ANK2: variants seen among roughly 807,000 people sequenced by gnomAD.
ANK2 encodes ankyrin 2.
ANK2 carries 83 observed loss-of-function variants against 360.5 expected under a neutral mutation model. The observed-to-expected ratio is 0.23, with a 90% confidence interval of 0.19 to 0.28. ANK2 has a LOEUF of 0.28. Among genes scored for constraint, ANK2 ranks in the 10% least tolerant of loss-of-function variants. The pLI, the probability that ANK2 is intolerant of heterozygous loss-of-function variation, is 1.00. For missense variants in ANK2, 4,201 were observed against 4,795.7 expected (o/e 0.88, Z 3.66); for synonymous variants, 1,740 against 1,759.5 (o/e 0.99, Z 0.28).
chr4:112,713,584 T>A, the ANK2 span, among the ~76,000 whole-genome samples: 3 of 150,462 alleles, frequency 2.0e-5, no homozygotes, highest in Non-Finnish European at 3.0e-5. Flanking sequence ...ACAAAAAAAA[T>A]TGGTATGGAT....
chr4:113,286,666 C>T (rs1336435822), intron 18 of ANK2, among the ~76,000 whole-genome samples: 1 of 152,126 alleles, frequency 6.6e-6, no homozygotes, highest in Admixed American at 6.5e-5. Flanking sequence ...CCCAGGTAGC[C>T]ACCTCAGTCT....
intron 2 of ANK2, among the ~76,000 whole-genome samples, chr4:112,983,403 G>A (rs934199900): frequency 5.3e-5 from 8 of 151,470 alleles, no homozygotes; most frequent in African/African-American, 9.7e-5. Flanking sequence ...GAGGCCGGGC[G>A]CAGTGGCTCA....
rs764856773 is a variant in ANK2 at position 113,358,901 on chromosome 4, CAGA to C, written c.10289_10291del (p.Glu3430del). On this transcript the variant is annotated inframe_deletion, in exon 38 of 46. Coordinates refer to ENST00000357077, the MANE Select transcript of ANK2 (RefSeq NM_001148.6). ...AGGGCCGAGGAACTTGAGTTAGAAT[CAGA>C]AGAAGGGGCCACAAGACCAAAGATA... The C allele has an allele frequency of 2.5e-6, 4 of 1,613,996 alleles. No individual in the cohort carries two copies. Among genetic ancestry groups the C allele is most frequent in the Non-Finnish European group, 3.4e-6 (4 of 1,179,940 alleles).
At chr4:112,934,818 T>C (rs1581446489) in intron 2 of ANK2, among the ~76,000 whole-genome samples, 1 of 152,206 alleles carries the variant, frequency 6.6e-6, no homozygotes, top group African/African-American at 2.4e-5. Context: ...ATTACACTTA[T>C]GATAAGTGCT....
intron 4 of ANK2, among the ~76,000 whole-genome samples, chr4:113,229,741 GA>G (rs1386948217): frequency 1.3e-5 from 2 of 151,938 alleles, no homozygotes; most frequent in Non-Finnish European, 2.9e-5. Flanking sequence ...TGCCCAGCCA[GA>G]GGAAGTCCCT....
intron 1 of ANK2, among the ~76,000 whole-genome samples, chr4:113,163,454 C>CT (rs112144168): frequency 0.013 from 2,018 of 150,724 alleles, 31 homozygotes; most frequent in African/African-American, 0.046. Flanking sequence ...TGACAATGGA[C>CT]TTTTTTTTTA....
At chr4:112,917,440 C>T (rs1047615283) in intron 2 of ANK2, among the ~76,000 whole-genome samples, 4 of 152,048 alleles carry the variant, frequency 2.6e-5, no homozygotes, top group Non-Finnish European at 2.9e-5. Context: ...AGAATTCCTG[C>T]GGCTGATACA....
chr4:113,062,507 T>A (rs2073970172), intron 1 of ANK2, among the ~76,000 whole-genome samples: 1 of 152,080 alleles, frequency 6.6e-6, no homozygotes, highest in South Asian at 2.1e-4. Context: ...ATATCACTCT[T>A]TTATAGTATA....
At chr4:112,754,850 T>C in the ANK2 span, among the ~76,000 whole-genome samples, 1 of 152,086 alleles carries the variant, frequency 6.6e-6, no homozygotes, top group Non-Finnish European at 1.5e-5. Context: ...AGATGAAATA[T>C]TGGAAGAACA....
chr4:112,857,652 C>T (rs963682011), intron 1 of ANK2, among the ~76,000 whole-genome samples: 6 of 152,182 alleles, frequency 3.9e-5, no homozygotes, highest in African/African-American at 1.4e-4. Context: ...TGCAGTGATT[C>T]ACCTCCTGCT....
At chr4:112,732,915 A>G in the ANK2 span, among the ~76,000 whole-genome samples, 2 of 151,342 alleles carry the variant, frequency 1.3e-5, no homozygotes, top group Non-Finnish European at 2.9e-5. Flanking sequence ...CCCCGTCTCT[A>G]CTAAAAATAC....
At chr4:113,152,853 A>G (rs949399864) in intron 1 of ANK2, among the ~76,000 whole-genome samples, 16 of 152,062 alleles carry the variant, frequency 1.1e-4, no homozygotes, top group African/African-American at 3.4e-4. Flanking sequence ...GTGAGCCTTG[A>G]TTGTACCACT....
At chr4:112,788,418 C>G in the ANK2 span, 11 of 1,596,312 alleles carry the variant, frequency 6.9e-6, no homozygotes, top group Non-Finnish European at 9.4e-6. Flanking sequence ...GGTGCAATCA[C>G]CACCAGCTGA....
intron 2 of ANK2, among the ~76,000 whole-genome samples, chr4:112,955,036 A>G (rs1345154868): frequency 6.6e-6 from 1 of 152,130 alleles, no homozygotes; most frequent in Non-Finnish European, 1.5e-5. Context: ...CCACATTACA[A>G]CTATGTTAAC....
chr4:113,174,400 T>C lies in ANK2; in HGVS notation c.85-16T>C. The C allele has an allele frequency of 6.2e-7, 1 of 1,601,056 alleles. No individual in the cohort carries two copies. Among genetic ancestry groups the C allele is most frequent in the Non-Finnish European group, 8.5e-7 (1 of 1,170,496 alleles). ...TTCATCAATAGTTCATTAAAGGTCTTTTATTTTTCTCGCAGTCTGACAGCA... is the reference window on the plus strand; with the variant it reads ...TTCATCAATAGTTCATTAAAGGTCTCTTATTTTTCTCGCAGTCTGACAGCA... On this transcript the variant is annotated splice_polypyrimidine_tract_variant and intron_variant, in intron 1 of 45. Coordinates refer to ENST00000357077, the MANE Select transcript of ANK2 (RefSeq NM_001148.6).
At chr4:112,875,210 G>A (rs2074659068) in intron 1 of ANK2, among the ~76,000 whole-genome samples, 1 of 152,070 alleles carries the variant, frequency 6.6e-6, no homozygotes, top group African/African-American at 2.4e-5. Flanking sequence ...AGTAGAGATG[G>A]GTTTTGCCAT....
chr4:113,035,499 G>A (rs1053032641), intron 2 of ANK2, among the ~76,000 whole-genome samples: 3 of 151,806 alleles, frequency 2.0e-5, no homozygotes, highest in African/African-American at 7.3e-5. Flanking sequence ...CTGGTAACTC[G>A]TCCTTAATAA....
chr4:113,070,319 C>G (rs2077101067), intron 1 of ANK2, among the ~76,000 whole-genome samples: 1 of 151,606 alleles, frequency 6.6e-6, no homozygotes. Flanking sequence ...TCCTAGAATG[C>G]CAGCATTGTC....
At chr4:112,875,732 G>GT (rs1161704625) in intron 1 of ANK2, among the ~76,000 whole-genome samples, 2 of 151,178 alleles carry the variant, frequency 1.3e-5, no homozygotes, top group South Asian at 2.1e-4. Flanking sequence ...TGTGTGTGTG[G>GT]TTTTTTGTTT....
Sources: allele counts gnomAD v4.1 joint callset (sites outside exome capture counted in the v4.1 genomes callset), GRCh38; gene constraint gnomAD v4.1.1; transcripts MANE v1.5; gene names NCBI Gene and HGNC (gene_info 2026-07-23, HGNC 2026-07-21).